SLC24A2: variants seen among roughly 807,000 people sequenced by gnomAD.
SLC24A2 encodes the protein solute carrier family 24 member 2, also known as sodium/potassium/calcium exchanger 2.
Under a neutral mutation model 62.0 loss-of-function variants are expected in SLC24A2, and 36 were observed. That is an observed-to-expected ratio of 0.58 (90% CI 0.44 to 0.77). SLC24A2 has a LOEUF of 0.77. Ranked by LOEUF, SLC24A2 falls within the 30% of genes least tolerant of loss-of-function variation. The pLI is 0.00. For missense variants in SLC24A2, 846 were observed against 817.9 expected (o/e 1.03, Z -0.42); for synonymous variants, 358 against 294.0 (o/e 1.22, Z -2.23).
the SLC24A2 span, among the ~76,000 whole-genome samples, chr9:19,889,456 C>T: frequency 4.3e-5 from 6 of 140,742 alleles, no homozygotes; most frequent in African/African-American, 1.3e-4. Flanking sequence ...CAAATTTAAT[C>T]CTTAGTAGTT....
At chr9:19,906,625 A>G in the SLC24A2 span, among the ~76,000 whole-genome samples, 2 of 152,232 alleles carry the variant, frequency 1.3e-5, no homozygotes, top group African/African-American at 4.8e-5. Context: ...AATAGACGCA[A>G]TAAAAAATGA....
In SLC24A2 at chr9:19,669,401, A is replaced by G. The variant is rs545724423; in HGVS notation, c.931-47102T>C. On this transcript the variant is annotated intron_variant, in intron 2 of 10. Coordinates refer to ENST00000341998, the MANE Select transcript of SLC24A2 (RefSeq NM_020344.4). ...AATGCACTGGGTAGTCTCACAAAACACAGAACCGTGCTGTCCAAAATGTCA... is the reference window on the plus strand; with the variant it reads ...AATGCACTGGGTAGTCTCACAAAACGCAGAACCGTGCTGTCCAAAATGTCA... Among the ~76,000 whole-genome samples the G allele has an allele frequency of 2.0e-5, 3 of 152,306 alleles. No homozygotes were observed. The South Asian group carries it at 6.2e-4, about 32-fold the overall frequency.
At chr9:20,290,565 C>G in the SLC24A2 span, among the ~76,000 whole-genome samples, 1 of 152,196 alleles carries the variant, frequency 6.6e-6, no homozygotes, top group Non-Finnish European at 1.5e-5. Flanking sequence ...GAAAGCTTAG[C>G]GCTTTAGCGG....
the SLC24A2 span, among the ~76,000 whole-genome samples, chr9:20,003,662 TA>T: frequency 2.6e-5 from 4 of 152,194 alleles, no homozygotes; most frequent in African/African-American, 7.2e-5. Flanking sequence ...GTAAATACTT[TA>T]TGCTTGTGGG....
At chr9:19,810,394 T>TA in the SLC24A2 span, among the ~76,000 whole-genome samples, 1 of 152,274 alleles carries the variant, frequency 6.6e-6, no homozygotes, top group African/African-American at 2.4e-5. Flanking sequence ...CTAGTCTTTT[T>TA]AAAAGAAAAA....
Position 19,550,274 on chromosome 9 carries a change from G to A in SLC24A2, c.1348-6C>T, listed in dbSNP as rs753099287. The A allele has an allele frequency of 1.9e-6, 3 of 1,613,930 alleles. No homozygotes were observed. The highest frequency in any genetic ancestry group is 1.1e-5 in the South Asian group (1 of 91,082). Reference sequence around the variant, plus strand: ...TCCTCCTCCTCATCAGCGGTCTGTGGTAGAAAAAGAGGTAAAATTAAACAA... The same window carrying A: ...TCCTCCTCCTCATCAGCGGTCTGTGATAGAAAAAGAGGTAAAATTAAACAA... On this transcript the variant is annotated splice_polypyrimidine_tract_variant and splice_region_variant and intron_variant, in intron 7 of 10. Coordinates refer to ENST00000341998, the MANE Select transcript of SLC24A2 (RefSeq NM_020344.4).
chr9:19,535,114 G>C lies in SLC24A2; in HGVS notation c.1480-6976C>G, dbSNP rs150973380. ...TTGCATTTCTCTAATGACCAGTGAT[G>C]ATGAGCTTTTTTTTCATGTTTGCTG... On this transcript the variant is annotated intron_variant, in intron 8 of 10. Transcript: ENST00000341998. Among the ~76,000 whole-genome samples the C allele has an allele frequency of 3.3e-5, 5 of 152,286 alleles. No homozygotes were observed. In the East Asian group the frequency reaches 7.7e-4, roughly 23 times the overall value.
At chr9:20,131,210 T>C in the SLC24A2 span, among the ~76,000 whole-genome samples, 4 of 152,032 alleles carry the variant, frequency 2.6e-5, no homozygotes, top group African/African-American at 9.7e-5. Flanking sequence ...GGAGGAGATC[T>C]CCAAAGGCCA....
chr9:19,764,564 G>A (rs1159867404), intron 2 of SLC24A2, among the ~76,000 whole-genome samples: 1 of 152,232 alleles, frequency 6.6e-6, no homozygotes, highest in East Asian at 1.9e-4. Flanking sequence ...TATTTACGCA[G>A]TAGTCATTCA....
intron 2 of SLC24A2, among the ~76,000 whole-genome samples, chr9:19,680,313 T>C (rs1490654088): frequency 6.6e-6 from 1 of 152,038 alleles, no homozygotes; most frequent in Admixed American, 6.6e-5. Flanking sequence ...GAACTCACAG[T>C]CTACGCAAAG....
the SLC24A2 span, among the ~76,000 whole-genome samples, chr9:20,222,052 G>C: frequency 6.6e-6 from 1 of 151,974 alleles, no homozygotes; most frequent in Non-Finnish European, 1.5e-5. Flanking sequence ...GCTGGGAGTG[G>C]GGGCATTGCT....
the SLC24A2 span, among the ~76,000 whole-genome samples, chr9:20,271,788 C>T: frequency 2.0e-5 from 3 of 151,972 alleles, no homozygotes; most frequent in African/African-American, 7.2e-5. Context: ...TTGCAAAATG[C>T]ATATAATATA....
the SLC24A2 span, among the ~76,000 whole-genome samples, chr9:20,020,367 T>A: frequency 6.6e-6 from 1 of 152,166 alleles, no homozygotes. Context: ...GTGGCACATC[T>A]ACACCATGGA....
chr9:19,531,678 T>C (rs1026681302), intron 8 of SLC24A2, among the ~76,000 whole-genome samples: 2 of 151,844 alleles, frequency 1.3e-5, no homozygotes, highest in African/African-American at 4.8e-5. Flanking sequence ...TTCTGGGACA[T>C]ATATTTAACA....
At chr9:19,589,227 G>A (rs1162479627) in intron 5 of SLC24A2, among the ~76,000 whole-genome samples, 2 of 152,150 alleles carry the variant, frequency 1.3e-5, no homozygotes, top group Non-Finnish European at 2.9e-5. Context: ...TATCCTAAAT[G>A]TTCAACAGGG....
chr9:19,789,461 C>T (rs1823277979), upstream of SLC24A2, among the ~76,000 whole-genome samples: 1 of 152,212 alleles, frequency 6.6e-6, no homozygotes, highest in South Asian at 2.1e-4. Flanking sequence ...GCCTGCAGGA[C>T]AGGCTGTTGG....
chr9:19,967,483 T>C, the SLC24A2 span: 8 of 152,386 alleles, frequency 5.2e-5, 1 homozygote, highest in Admixed American at 2.6e-4. Context: ...TTTGCTTTCA[T>C]AAAGAGCATC....
intron 7 of SLC24A2, among the ~76,000 whole-genome samples, chr9:19,559,325 T>C (rs775855680): frequency 6.6e-6 from 1 of 152,214 alleles, no homozygotes; most frequent in Non-Finnish European, 1.5e-5. Flanking sequence ...CAAGCATTCA[T>C]TGACTTTAGT....
the SLC24A2 span, among the ~76,000 whole-genome samples, chr9:20,034,831 T>G: frequency 6.6e-6 from 1 of 152,140 alleles, no homozygotes; most frequent in Non-Finnish European, 1.5e-5. Flanking sequence ...GATTCCACAA[T>G]TGTTGGTGAA....
Sources: gnomAD v4.1 joint callset for allele counts (sites outside exome capture counted in the v4.1 genomes callset) on GRCh38, gnomAD v4.1.1 for gene constraint, MANE v1.5 for transcripts, NCBI Gene and HGNC (gene_info 2026-07-23, HGNC 2026-07-21) for gene names.